MTX2: variants seen among roughly 807,000 people sequenced by gnomAD.
MTX2 encodes metaxin 2.
In MTX2, 35 loss-of-function variants were observed where a neutral mutation model predicts 42.3. That is an observed-to-expected ratio of 0.83 (90% CI 0.63 to 1.10). MTX2 has a LOEUF of 1.10. Ranked by LOEUF, MTX2 falls within the 50% of genes least tolerant of loss-of-function variation. MTX2 has a pLI of 0.00. For missense variants in MTX2, 307 were observed against 304.1 expected (o/e 1.01, Z -0.07); for synonymous variants, 119 against 100.9 (o/e 1.18, Z -1.08).
chr2:176,328,900 T>C lies in MTX2; in HGVS notation c.405T>C (p.Ala135=), dbSNP rs1361110957. Residue 135 remains alanine, a synonymous_variant, in exon 7 of 10, where the codon GCT becomes GCC. Transcript: ENST00000249442. ...AELYLQWCDE[A]TVGEITHARY... ...TGTATCTTCAGTGGTGTGATGAAGC[T>C]ACAGTAGGGGAGGTGAGTGGTTCTG... 2 of 1,607,220 alleles carry C rather than the reference T, an allele frequency of 1.2e-6. No homozygotes were observed. The highest frequency in any genetic ancestry group is 2.7e-5 in the African/African-American group (2 of 74,702).
intron 9 of MTX2, among the ~76,000 whole-genome samples, chr2:176,335,832 A>G (rs183007334): frequency 5.3e-5 from 8 of 152,232 alleles, no homozygotes; most frequent in Admixed American, 4.6e-4. Flanking sequence ...ATCCTGCTCC[A>G]CAGATACTCC....
At chr2:176,328,489 C>A (rs1276933732) in intron 6 of MTX2, 104 bp downstream of exon 6, 7 of 732,142 alleles carry the variant, frequency 9.6e-6, no homozygotes, top group Non-Finnish European at 1.5e-5. Flanking sequence ...GGAAAATAGT[C>A]AAGTAATTCT....
At chr2:176,330,686 T>A in intron 9 of MTX2, 26 bp downstream of exon 9, 1 of 1,502,172 alleles carries the variant, frequency 6.7e-7, no homozygotes. Flanking sequence ...TTTTTAAAGT[T>A]AATTTTCTGT....
intron 1 of MTX2, among the ~76,000 whole-genome samples, chr2:176,284,262 T>G (rs1047723223): frequency 1.3e-5 from 2 of 152,172 alleles, no homozygotes; most frequent in African/African-American, 4.8e-5. Flanking sequence ...ATTATTTTTA[T>G]AATGGATCAA....
chr2:176,288,605 T>C, intron 1 of MTX2, among the ~76,000 whole-genome samples: 1 of 151,064 alleles, frequency 6.6e-6, no homozygotes, highest in South Asian at 2.1e-4. Flanking sequence ...GCTTTTGGAA[T>C]CTAGTTGCCT....
intron 1 of MTX2, chr2:176,270,221 A>G: frequency 5.2e-6 from 2 of 385,720 alleles, no homozygotes; most frequent in Non-Finnish European, 9.3e-6. Context: ...CCGAGGCTGG[A>G]GTGCAGTGGC....
At chr2:176,311,464 C>T (rs1684304685) in intron 3 of MTX2, among the ~76,000 whole-genome samples, 1 of 152,212 alleles carries the variant, frequency 6.6e-6, no homozygotes, top group African/African-American at 2.4e-5. Context: ...TTGAAGTCTG[C>T]AGAAGTTGTC....
intron 3 of MTX2, among the ~76,000 whole-genome samples, chr2:176,312,459 A>G (rs1016253128): frequency 6.6e-6 from 1 of 152,198 alleles, no homozygotes; most frequent in African/African-American, 2.4e-5. Context: ...AAAATTATTC[A>G]CAAACCTCTA....
chr2:176,280,886 T>C (rs1693063460), intron 1 of MTX2, among the ~76,000 whole-genome samples: 7 of 152,224 alleles, frequency 4.6e-5, no homozygotes, highest in Admixed American at 4.6e-4. Flanking sequence ...ACAAGGATAG[T>C]GTCCTGGGCT....
intron 3 of MTX2, among the ~76,000 whole-genome samples, chr2:176,311,779 A>T (rs960490701): frequency 6.6e-6 from 1 of 152,216 alleles, no homozygotes; most frequent in Non-Finnish European, 1.5e-5. Context: ...TTTGGGTGGA[A>T]GTGTCCCGTT....
chr2:176,302,074 T>G (rs1380952996), intron 3 of MTX2, among the ~76,000 whole-genome samples: 1 of 151,956 alleles, frequency 6.6e-6, no homozygotes, highest in Non-Finnish European at 1.5e-5. Flanking sequence ...TTCTAGTAAG[T>G]TTTAGAAAGA....
intron 3 of MTX2, among the ~76,000 whole-genome samples, chr2:176,317,848 G>C (rs559598024): frequency 2.0e-5 from 3 of 152,210 alleles, no homozygotes; most frequent in African/African-American, 7.2e-5. Context: ...CTGCTAGACT[G>C]GGGGAGGGCT....
At chr2:176,331,155 C>T (rs1684853806) in intron 9 of MTX2, among the ~76,000 whole-genome samples, 2 of 151,012 alleles carry the variant, frequency 1.3e-5, no homozygotes, top group South Asian at 4.2e-4. Flanking sequence ...TTGTAAAACA[C>T]AGAAATTAAT....
At chr2:176,313,344 C>T (rs1367289112) in intron 3 of MTX2, among the ~76,000 whole-genome samples, 2 of 150,174 alleles carry the variant, frequency 1.3e-5, no homozygotes, top group African/African-American at 4.9e-5. Context: ...AGAGCTCTCT[C>T]TCTGATCTTC....
chr2:176,322,933 G>A (rs1477426813), intron 3 of MTX2, among the ~76,000 whole-genome samples: 1 of 151,810 alleles, frequency 6.6e-6, no homozygotes, highest in Non-Finnish European at 1.5e-5. Context: ...GGGTATTACT[G>A]GAGAGAACTT....
rs202158036 is a variant in MTX2, at chr2:176,320,247, CA to C, written c.136-3135del. 8.3e-5 allele frequency among the ~76,000 whole-genome samples: 12 copies of C among 144,596 alleles called. No individual in the cohort carries two copies. In the East Asian group the frequency reaches 1.0e-3, roughly 12 times the overall value. 94.9% of individuals were successfully genotyped at this position (144,596 alleles called of 152,430 possible). On this transcript the variant is annotated intron_variant, in intron 3 of 9. Transcript: ENST00000249442. ...TGGGCGACAGAGTGAAATTGTGTCT[CA>C]AAAAAAAAAGAAGCATAGGTTTGAT...
At chr2:176,285,460 T>C (rs145693151) in intron 1 of MTX2, among the ~76,000 whole-genome samples, 2 of 150,464 alleles carry the variant, frequency 1.3e-5, no homozygotes, top group African/African-American at 4.9e-5. Flanking sequence ...ATCTCTGCAG[T>C]TACCACAGTC....
At chr2:176,272,467 T>C (rs980216796) in intron 1 of MTX2, among the ~76,000 whole-genome samples, 1 of 152,200 alleles carries the variant, frequency 6.6e-6, no homozygotes, top group Non-Finnish European at 1.5e-5. Flanking sequence ...TTAATTACCT[T>C]GATTTATTCT....
intron 1 of MTX2, chr2:176,270,360 T>G: frequency 7.3e-7 from 1 of 1,362,040 alleles, no homozygotes; most frequent in Non-Finnish European, 9.8e-7. Flanking sequence ...TTTTTAAATC[T>G]GCATGTACTT....
Sources: gnomAD v4.1 joint callset for allele counts (sites outside exome capture counted in the v4.1 genomes callset) on GRCh38, gnomAD v4.1.1 for gene constraint, MANE v1.5 for transcripts, NCBI Gene and HGNC (gene_info 2026-07-23, HGNC 2026-07-21) for gene names.